The following DHX9 variants were observed in gnomAD, a reference collection of about 807,000 sequenced individuals.
The protein encoded by DHX9 is ATP-dependent RNA helicase A.
Under a neutral mutation model 148.7 loss-of-function variants are expected in DHX9, and 27 were observed. The ratio of observed to expected loss-of-function variants is 0.18; its 90% confidence interval spans 0.13 to 0.25. DHX9 has a LOEUF of 0.25. DHX9 is among the 10% of genes least tolerant of loss of function. The probability of loss-of-function intolerance (pLI) is 1.00; values close to 1 mark genes in which losing one functional copy is unlikely to be tolerated. For missense variants in DHX9, 796 were observed against 1,559.6 expected, an observed-to-expected ratio of 0.51 and a Z score of 8.25; for synonymous variants, 529 against 516.6, an observed-to-expected ratio of 1.02 and a Z score of -0.33.
At position 182,876,079 on chromosome 1, in the gene DHX9, A is replaced by G; in HGVS notation, c.1845A>G (p.Glu615=). The G allele has an allele frequency of 6.2e-7, 1 of 1,613,900 alleles. No individual in the cohort carries two copies. ...DANCNLICGD[E]YGPETRLSMS... ...ATTGCAACTTGATCTGTGGTGATGA[A>G]TATGGTCCAGAAACAAGGTTGAGCA... is the stretch of plus-strand genomic sequence containing the variant. The change falls in exon 17 of 28, where the codon GAA becomes GAG. Residue 615 remains glutamate, a synonymous_variant. Transcript: ENST00000367549.
At chr1:182,876,709 T>C (rs1467784687) in intron 18 of DHX9, 121 bp from the exon 19 acceptor site, 8 of 913,334 alleles carry the variant, frequency 8.8e-6, no homozygotes, top group Non-Finnish European at 1.2e-5. Context: ...TAATCAGTTA[T>C]TGGGTGATCT....
intron 12 of DHX9, among the ~76,000 whole-genome samples, chr1:182,864,024 C>T (rs566496166): frequency 2.6e-5 from 4 of 152,166 alleles, no homozygotes; most frequent in South Asian, 2.1e-4. Context: ...ATTAATTAGG[C>T]GTGATGGCAC....
At chr1:182,877,904 C>A in intron 19 of DHX9, 117 bp from the exon 20 acceptor site, 1 of 1,123,292 alleles carries the variant, frequency 8.9e-7, no homozygotes, top group Non-Finnish European at 1.3e-6. Flanking sequence ...CATGAATAGA[C>A]ATCACAAGTA....
At chr1:182,861,252 G>T (rs564733172) in intron 12 of DHX9, among the ~76,000 whole-genome samples, 1 of 152,170 alleles carries the variant, frequency 6.6e-6, no homozygotes, top group East Asian at 1.9e-4. Context: ...GATACCTTAG[G>T]CTTGAAAAAA....
At chr1:182,861,493 T>C (rs1371066228) in intron 12 of DHX9, among the ~76,000 whole-genome samples, 1 of 152,224 alleles carries the variant, frequency 6.6e-6, no homozygotes, top group Non-Finnish European at 1.5e-5. Flanking sequence ...AGCCTTGAGC[T>C]CAGCTCTGCT....
intron 3 of DHX9, among the ~76,000 whole-genome samples, chr1:182,843,990 G>T (rs1667978967): frequency 6.6e-6 from 1 of 152,150 alleles, no homozygotes; most frequent in Non-Finnish European, 1.5e-5. Flanking sequence ...GCAGAGTCTT[G>T]CACTGTCGCC....
chr1:182,846,314 C>T lies in DHX9; in HGVS notation c.252+2880C>T, dbSNP rs566584362. 8.6e-5 allele frequency among the ~76,000 whole-genome samples: 13 copies of T among 151,888 alleles called. 1 individual carries two copies. In the South Asian group the frequency reaches 2.1e-3, roughly 24 times the overall value. The stretch of plus-strand genomic sequence containing the variant: ...GTGCAGTGGCATGATCTCGGCTCAC[C>T]GCCACCTTTGCCTCCGGGTTCAAGC... On this transcript the variant is annotated intron_variant, in intron 3 of 27. Coordinates refer to ENST00000367549, the MANE Select transcript of DHX9 (RefSeq NM_001357.5).
intron 12 of DHX9, among the ~76,000 whole-genome samples, chr1:182,864,667 AAG>A (rs778614343): frequency 5.3e-5 from 8 of 152,222 alleles, no homozygotes; most frequent in South Asian, 2.1e-4. Context: ...AAATATGGGA[AAG>A]AGATTGCGGG....
intron 6 of DHX9, among the ~76,000 whole-genome samples, chr1:182,854,799 C>T (rs1206752988): frequency 6.6e-6 from 1 of 152,094 alleles, no homozygotes; most frequent in African/African-American, 2.4e-5. Flanking sequence ...TGTTTCTCAG[C>T]CTGCTTGCTG....
chr1:182,877,223 G>C (rs1353534090), intron 19 of DHX9, among the ~76,000 whole-genome samples: 1 of 152,074 alleles, frequency 6.6e-6, no homozygotes, highest in Non-Finnish European at 1.5e-5. Flanking sequence ...CATGCTGTTT[G>C]ATGAATAAAG....
chr1:182,841,797 T>C (rs1452478057), intron 1 of DHX9, among the ~76,000 whole-genome samples: 2 of 152,254 alleles, frequency 1.3e-5, no homozygotes, highest in African/African-American at 4.8e-5. Context: ...AGGCTCCATA[T>C]CTTGTGGTAT....
At chr1:182,884,943 G>C (rs987572423) in intron 27 of DHX9, 130 bp downstream of exon 27, 80 of 775,492 alleles carry the variant, frequency 1.0e-4, no homozygotes, top group Non-Finnish European at 8.7e-5. Context: ...GAGCTATATA[G>C]ATAGAGAGTT....
Position 182,858,633 on chromosome 1 carries a change from T to C in DHX9, c.893T>C (p.Leu298Ser), listed in dbSNP as rs962077419. ...ATTCAAGAGCTAAATCTTGAGATTT[T>C]GCCCCCGGTAAGCATAAAGCTGTTT... ...NIIQELNLEI[L>S]PPPEDPSVPV... Residue 298 changes from leucine to serine, a missense_variant, in exon 9 of 28, where the codon TTG (leucine) becomes TCG (serine). By Grantham distance (145) the Leu-to-Ser change is moderately radical. Coordinates refer to ENST00000367549, the MANE Select transcript of DHX9 (RefSeq NM_001357.5). The C allele has an allele frequency of 1.2e-6, 2 of 1,608,778 alleles. No individual in the cohort carries two copies. Among genetic ancestry groups the C allele is most frequent in the Admixed American group, 1.7e-5 (1 of 59,788 alleles).
intron 12 of DHX9, among the ~76,000 whole-genome samples, chr1:182,861,953 A>G (rs1386758758): frequency 1.8e-4 from 27 of 152,238 alleles, no homozygotes; most frequent in Admixed American, 1.8e-3. Context: ...CAGTAAGTCT[A>G]AGATTTAAAC....
At chr1:182,861,602 G>A (rs759465908) in intron 12 of DHX9, among the ~76,000 whole-genome samples, 6 of 152,142 alleles carry the variant, frequency 3.9e-5, no homozygotes, top group Non-Finnish European at 7.4e-5. Context: ...TTTAACAAGC[G>A]AGCTGTGAAG....
rs1488133847 is a variant in DHX9, at chr1:182,879,250, A to G, written c.2352A>G (p.Arg784=). 1 of 1,455,384 alleles carries G rather than the reference A, an allele frequency of 6.9e-7. No individual in the cohort carries two copies. The highest frequency in any genetic ancestry group is 2.0e-5 in the Admixed American group (1 of 50,234). The allele number at this position is 1,455,384 out of a possible 1,614,324, so 90.2% of individuals were successfully genotyped here. A position where few individuals can be genotyped will look rare whatever the true frequency, so the allele number is the denominator to read the frequency against. Residue 784 remains arginine (R), a splice_region_variant and synonymous_variant, in exon 21 of 28, where the codon AGA becomes AGG. Transcript: ENST00000367549. ...FHLCSRARFE[R]LETHMTPEMF... is the part of the protein sequence containing the mutation. ...TTATTTTATGCTTATTTTCTCTTAG[A>G]CTTGAAACCCACATGACACCAGAGA...
intron 1 of DHX9, among the ~76,000 whole-genome samples, chr1:182,841,801 G>T (rs1027026492): frequency 1.3e-5 from 2 of 152,136 alleles, no homozygotes; most frequent in African/African-American, 2.4e-5. Context: ...TCCATATCTT[G>T]TGGTATTTTA....
chr1:182,877,865 T>G (rs1648885978), intron 19 of DHX9, 156 bp from the exon 20 acceptor site: 2 of 829,140 alleles, frequency 2.4e-6, no homozygotes, highest in South Asian at 4.0e-5. Context: ...GAGTTTGCAG[T>G]CAGATTGCTG....
chr1:182,863,459 C>T (rs1034371962), intron 12 of DHX9, among the ~76,000 whole-genome samples: 3 of 152,074 alleles, frequency 2.0e-5, no homozygotes, highest in Non-Finnish European at 4.4e-5. Context: ...GTTCTTGGTT[C>T]TTATTTATAT....
Sources: gnomAD v4.1 joint callset for allele counts (sites outside exome capture counted in the v4.1 genomes callset) on GRCh38, gnomAD v4.1.1 for gene constraint, MANE v1.5 for transcripts, NCBI Gene and HGNC (gene_info 2026-07-23, HGNC 2026-07-21) for gene names.